The following RAP1A variants were observed in gnomAD, a reference collection of about 807,000 sequenced individuals.
The protein encoded by RAP1A is RAP1A, member of RAS oncogene family.
RAP1A carries 6 observed loss-of-function variants against 26.4 expected under a neutral mutation model. That is an observed-to-expected ratio of 0.23 (90% CI 0.12 to 0.45). The LOEUF is 0.45. RAP1A is among the 20% of genes least tolerant of loss of function. The probability of loss-of-function intolerance (pLI) is 0.99; values close to 1 mark genes in which losing one functional copy is unlikely to be tolerated. For synonymous variants in RAP1A, 73 were observed against 79.4 expected (o/e 0.92, Z 0.43); for missense variants, 121 against 217.2 (o/e 0.56, Z 2.78).
intron 1 of RAP1A, among the ~76,000 whole-genome samples, chr1:111,609,803 T>G (rs1312216175): frequency 6.6e-6 from 1 of 152,080 alleles, no homozygotes; most frequent in Non-Finnish European, 1.5e-5. Context: ...ACCCGGCTAA[T>G]TTTTGTATTT....
At chr1:111,584,225 T>C (rs17028035) in intron 1 of RAP1A, among the ~76,000 whole-genome samples, 7,707 of 152,218 alleles carry the variant, frequency 0.051, 689 homozygotes, top group African/African-American at 0.18. Context: ...AGAGAAATGA[T>C]TGGAGATGTA....
At chr1:111,554,891 A>G (rs1441175908) in intron 1 of RAP1A, among the ~76,000 whole-genome samples, 1 of 152,238 alleles carries the variant, frequency 6.6e-6, no homozygotes, top group African/African-American at 2.4e-5. Context: ...GTCACAAAAT[A>G]CACAAGGAAA....
rs887550692 is a variant in RAP1A at position 111,634,842 on chromosome 1, A to T, written c.-28+14908A>T. 2.0e-5 allele frequency among the ~76,000 whole-genome samples: 3 copies of T among 151,962 alleles called. No individual in the cohort carries two copies. In the South Asian group the frequency reaches 6.2e-4, roughly 32 times the overall value. ...GTATTTTTAGTAGAGACGGGGTTTC[A>T]CCATGTTGGCCAGGATGGTCTCGAT... On this transcript the variant is annotated intron_variant, in intron 1 of 7. Transcript: ENST00000369709.
At chr1:111,596,898 T>C (rs1557860887) in intron 1 of RAP1A, among the ~76,000 whole-genome samples, 1 of 152,220 alleles carries the variant, frequency 6.6e-6, no homozygotes. Context: ...TTTCAATGTA[T>C]TGATTTGGGG....
intron 1 of RAP1A, among the ~76,000 whole-genome samples, chr1:111,657,548 A>G (rs899065517): frequency 3.9e-5 from 6 of 152,096 alleles, no homozygotes; most frequent in Admixed American, 1.3e-4. Context: ...ATTGTCATGT[A>G]TCTTTCCTCC....
Position 111,692,076 on chromosome 1 carries a change from G to C in RAP1A, c.57+659G>C, listed in dbSNP as rs75375396. ...CCAGATAATTGTTTATGGAAGCTTG[G>C]ATTAGGACCATGGCAGTTAAGAAAA... On this transcript the variant is annotated intron_variant, in intron 2 of 7. Transcript: ENST00000369709. Among the ~76,000 whole-genome samples the C allele has an allele frequency of 8.7e-3, 1,328 of 152,286 alleles. 17 individuals carry two copies. Among genetic ancestry groups the C allele is most frequent in the African/African-American group, 0.031 (1,268 of 41,572 alleles).
intron 1 of RAP1A, among the ~76,000 whole-genome samples, chr1:111,632,921 CA>C (rs59053038): frequency 0.081 from 5,542 of 68,672 alleles, 96 homozygotes; most frequent in African/African-American, 0.11. Flanking sequence ...AACTTGGTCT[CA>C]AAAAAAAAAA....
At position 111,691,447 on chromosome 1, in the gene RAP1A, A is replaced by T. The variant is rs537847126; in HGVS notation, c.57+30A>T. The T allele has an allele frequency of 6.4e-6, 10 of 1,564,348 alleles. No individual in the cohort carries two copies. The African/African-American group carries it at 1.2e-4, about 19-fold the overall frequency. On this transcript the variant is annotated intron_variant, in intron 2 of 7. Coordinates refer to ENST00000369709, the MANE Select transcript of RAP1A (RefSeq NM_002884.4). ...GTTAGCCACCTAACTGTAACTGATT[A>T]ATATAATACAAGAAGAATTTTGACA...
At chr1:111,574,753 G>T (rs954481779) in intron 1 of RAP1A, among the ~76,000 whole-genome samples, 6 of 152,232 alleles carry the variant, frequency 3.9e-5, no homozygotes, top group Non-Finnish European at 7.3e-5. Flanking sequence ...GTAGTAAATA[G>T]TTGGAACTGA....
At chr1:111,618,900 C>G (rs1444074143), upstream of RAP1A, among the ~76,000 whole-genome samples, 2 of 152,252 alleles carry the variant, frequency 1.3e-5, no homozygotes, top group African/African-American at 2.4e-5. Context: ...AGCTACCTTA[C>G]TGGTATCCCA....
intron 1 of RAP1A, among the ~76,000 whole-genome samples, chr1:111,607,426 C>T (rs61788234): frequency 6.6e-6 from 1 of 152,234 alleles, no homozygotes; most frequent in Non-Finnish European, 1.5e-5. Context: ...TACACAGACA[C>T]GGCAACCATC....
At chr1:111,665,898 A>G (rs1660785584) in intron 1 of RAP1A, among the ~76,000 whole-genome samples, 1 of 152,202 alleles carries the variant, frequency 6.6e-6, no homozygotes, top group African/African-American at 2.4e-5. Flanking sequence ...TATGAAGCAT[A>G]TATTTTACTT....
At chr1:111,632,004 G>A (rs763692061) in intron 1 of RAP1A, among the ~76,000 whole-genome samples, 2 of 151,926 alleles carry the variant, frequency 1.3e-5, no homozygotes, top group Admixed American at 1.3e-4. Flanking sequence ...TAAGAATTTA[G>A]TATTCTGAAA....
At chr1:111,646,641 C>T (rs570777338) in intron 1 of RAP1A, among the ~76,000 whole-genome samples, 3 of 152,056 alleles carry the variant, frequency 2.0e-5, no homozygotes, top group South Asian at 4.1e-4. Flanking sequence ...CCCGGGTTCA[C>T]GCCATTCTCC....
At chr1:111,572,545 C>T (rs1351032751) in intron 1 of RAP1A, among the ~76,000 whole-genome samples, 3 of 152,208 alleles carry the variant, frequency 2.0e-5, no homozygotes, top group Non-Finnish European at 2.9e-5. Flanking sequence ...TCTACTTCAG[C>T]AGTAGAGACA....
chr1:111,545,213 T>C (rs1656991022), intron 1 of RAP1A, among the ~76,000 whole-genome samples: 1 of 152,148 alleles, frequency 6.6e-6, no homozygotes, highest in African/African-American at 2.4e-5. Flanking sequence ...CTGTTTTCCA[T>C]AGCAGCTGCA....
intron 1 of RAP1A, among the ~76,000 whole-genome samples, chr1:111,665,657 T>G (rs1571543375): frequency 6.6e-6 from 1 of 152,226 alleles, no homozygotes; most frequent in Admixed American, 6.5e-5. Flanking sequence ...ACTGGTGATG[T>G]GCTTTTGATG....
At position 111,709,161 on chromosome 1, in the gene RAP1A, C is replaced by T; in HGVS notation, c.481C>T (p.Leu161=). 2 of 1,607,180 alleles carry T rather than the reference C, an allele frequency of 1.2e-6. No homozygotes were observed. Among genetic ancestry groups the T allele is most frequent in the African/African-American group, 1.3e-5 (1 of 74,396 alleles). The change falls in exon 7 of 8, where the codon CTG becomes TTG. Residue 161 remains leucine (L), a synonymous_variant. Coordinates refer to ENST00000369709, the MANE Select transcript of RAP1A (RefSeq NM_002884.4). The stretch of plus-strand genomic sequence containing the variant: ...TGTTTTTACTTAGATATTTTATGAC[C>T]TGGTCAGACAGATAAATAGGAAAAC... ...KINVNEIFYD[L]VRQINRKTPV...
At chr1:111,604,047 G>T (rs1658723487) in intron 1 of RAP1A, among the ~76,000 whole-genome samples, 1 of 152,238 alleles carries the variant, frequency 6.6e-6, no homozygotes, top group Admixed American at 6.5e-5. Flanking sequence ...TCTCATGTAA[G>T]TGATGCAAAG....
Sources: gnomAD v4.1 joint callset for allele counts (sites outside exome capture counted in the v4.1 genomes callset) on GRCh38, gnomAD v4.1.1 for gene constraint, MANE v1.5 for transcripts, NCBI Gene and HGNC (gene_info 2026-07-23, HGNC 2026-07-21) for gene names.